SRGAP2C: variants seen among roughly 807,000 people sequenced by gnomAD.
SRGAP2C encodes the protein SLIT-ROBO Rho GTPase activating protein 2C.
Under a neutral mutation model 25.1 loss-of-function variants are expected in SRGAP2C, and 15 were observed. The ratio of observed to expected loss-of-function variants is 0.60; its 90% CI spans 0.40 to 0.92. SRGAP2C has a LOEUF of 0.92. Ranked by LOEUF, SRGAP2C falls within the 40% of genes least tolerant of loss-of-function variation. SRGAP2C has a pLI of 0.00. For synonymous variants in SRGAP2C, 44 were observed against 96.6 expected (o/e 0.46, Z 3.19); for missense variants, 144 against 264.4 (o/e 0.54, Z 3.16).
intron 2 of SRGAP2C, among the ~76,000 whole-genome samples, chr1:121,235,013 CTTTTCTTTCTTTCTT>C (rs1655914039): frequency 6.7e-6 from 1 of 149,482 alleles, no homozygotes; most frequent in African/African-American, 2.5e-5. Flanking sequence ...CTTTCTTTCT[CTTTTCTTTCTTTCTT>C]TTTTTTTTTT....
At chr1:121,220,925 CAG>C (rs1237467718) in intron 2 of SRGAP2C, among the ~76,000 whole-genome samples, 2 of 77,406 alleles carry the variant, frequency 2.6e-5, no homozygotes, top group Admixed American at 1.6e-4. Flanking sequence ...TTTTTTGAGA[CAG>C]AGTCTTCCTC....
chr1:121,192,328 A>G lies in SRGAP2C; in HGVS notation c.67+4815A>G, dbSNP rs587753768. ...TAGTTGGAATCCTCAAGCAGATGCT[A>G]TCATTTTCCCACAAGATGATTGAGG... On this transcript the variant is annotated intron_variant, in intron 2 of 9. Transcript: ENST00000367123. 2.6e-5 allele frequency among the ~76,000 whole-genome samples: 4 copies of G among 152,304 alleles called. No homozygotes were observed. The South Asian group carries it at 6.2e-4, about 24-fold the overall frequency.
chr1:121,234,843 C>T (rs1478779125), intron 2 of SRGAP2C, among the ~76,000 whole-genome samples: 1 of 149,864 alleles, frequency 6.7e-6, no homozygotes, highest in Non-Finnish European at 1.5e-5. Context: ...TCTCTCTTGC[C>T]CTTCTGCCTT....
intron 2 of SRGAP2C, among the ~76,000 whole-genome samples, chr1:121,202,310 C>A (rs1373481522): frequency 5.9e-5 from 9 of 152,042 alleles, no homozygotes; most frequent in Non-Finnish European, 1.2e-4. Flanking sequence ...CTGGAGTCTT[C>A]TTCTTTCCTG....
intron 2 of SRGAP2C, among the ~76,000 whole-genome samples, chr1:121,238,800 A>G (rs1656021744): frequency 8.1e-6 from 1 of 124,084 alleles, no homozygotes. Flanking sequence ...TTTTTTTTTG[A>G]GATGGGGTCT....
intron 2 of SRGAP2C, among the ~76,000 whole-genome samples, chr1:121,266,515 A>G (rs1306025927): frequency 1.3e-5 from 2 of 151,378 alleles, no homozygotes; most frequent in Non-Finnish European, 3.0e-5. Flanking sequence ...TGGGAAAACA[A>G]TAAGGTTGTT....
intron 3 of SRGAP2C, among the ~76,000 whole-genome samples, chr1:121,314,706 C>G (rs1486088896): frequency 4.0e-5 from 6 of 150,960 alleles, no homozygotes; most frequent in Admixed American, 4.0e-4. Flanking sequence ...CAGTGTGCCC[C>G]TGCTGGGGGG....
chr1:121,315,590 G>T (rs1192814644), intron 3 of SRGAP2C, among the ~76,000 whole-genome samples: 2 of 151,358 alleles, frequency 1.3e-5, no homozygotes, highest in African/African-American at 2.4e-5. Context: ...ATATCAACAT[G>T]GTTAATAATA....
chr1:121,372,217 C>G (rs1659511417), intron 5 of SRGAP2C, among the ~76,000 whole-genome samples: 1 of 152,118 alleles, frequency 6.6e-6, no homozygotes, highest in African/African-American at 2.4e-5. Context: ...ATTCTTTATT[C>G]TTTCGTCTGC....
chr1:121,289,332 GCA>G (rs1657444623), intron 3 of SRGAP2C, among the ~76,000 whole-genome samples: 1 of 150,428 alleles, frequency 6.6e-6, no homozygotes, highest in African/African-American at 2.4e-5. Flanking sequence ...TACACCCTCC[GCA>G]GCCACTGGCC....
chr1:121,365,961 T>C (rs1659307885), intron 5 of SRGAP2C, among the ~76,000 whole-genome samples: 1 of 145,908 alleles, frequency 6.9e-6, no homozygotes, highest in African/African-American at 2.6e-5. Flanking sequence ...CTGAGATGAC[T>C]GGCGCTTCAG....
chr1:121,369,488 C>T (rs1470250954), intron 5 of SRGAP2C, among the ~76,000 whole-genome samples: 1 of 151,858 alleles, frequency 6.6e-6, no homozygotes, highest in Non-Finnish European at 1.5e-5. Flanking sequence ...AGGCCTTATG[C>T]TTCTGTACTC....
intron 8 of SRGAP2C, among the ~76,000 whole-genome samples, chr1:121,383,426 G>A (rs1297942550): frequency 6.6e-6 from 1 of 151,946 alleles, no homozygotes; most frequent in Non-Finnish European, 1.5e-5. Flanking sequence ...TTGGCGTTTG[G>A]CAGAGTTCTG....
chr1:121,314,467 G>A (rs1357578544), intron 3 of SRGAP2C, among the ~76,000 whole-genome samples: 1 of 152,204 alleles, frequency 6.6e-6, no homozygotes, highest in African/African-American at 2.4e-5. Flanking sequence ...CGTTACTGGT[G>A]AGAAACTGCG....
At position 121,254,397 on chromosome 1, in the gene SRGAP2C, G is replaced by A. The variant is rs587750461; in HGVS notation, c.68-30406G>A. On this transcript the variant is annotated intron_variant, in intron 2 of 9. Coordinates refer to ENST00000367123, the MANE Select transcript of SRGAP2C (RefSeq NM_001329984.2). ...TACCCCCAGACCATTGCGTTAAAGC[G>A]TTCAGGATAGTGCTCTGCTGATTTT... Among the ~76,000 whole-genome samples the A allele has an allele frequency of 3.1e-5, 2 of 64,386 alleles. 1 individual carries two copies. The highest frequency in any genetic ancestry group is 1.2e-4 in the African/African-American group (2 of 16,908). 42.2% of individuals were successfully genotyped at this position (64,386 alleles called of 152,430 possible). A position where few individuals can be genotyped will look rare whatever the true frequency, so the allele number is the denominator to read the frequency against.
At position 121,372,982 on chromosome 1, in the gene SRGAP2C, G is replaced by A. The variant is rs587766159; in HGVS notation, c.487-989G>A. Reference sequence around the variant, plus strand: ...TTATGGCATCACACTTTCAGCACTCGTGAACTCCCTGTGTGGAAACAGAAA... The same window carrying A: ...TTATGGCATCACACTTTCAGCACTCATGAACTCCCTGTGTGGAAACAGAAA... On this transcript the variant is annotated intron_variant, in intron 5 of 9. Coordinates refer to ENST00000367123, the MANE Select transcript of SRGAP2C (RefSeq NM_001329984.2). Among the ~76,000 whole-genome samples, 11 of 94,098 alleles carry A rather than the reference G, an allele frequency of 1.2e-4. 1 individual carries two copies. Among genetic ancestry groups the A allele is most frequent in the Admixed American group, 2.3e-4 (2 of 8,804 alleles). The allele number at this position is 94,098 out of a possible 152,430, so 61.7% of individuals were successfully genotyped here. A position where few individuals can be genotyped will look rare whatever the true frequency, so the allele number is the denominator to read the frequency against.
At chr1:121,259,803 G>A (rs1415940905) in intron 2 of SRGAP2C, among the ~76,000 whole-genome samples, 13 of 149,588 alleles carry the variant, frequency 8.7e-5, no homozygotes, top group African/African-American at 2.9e-4. Flanking sequence ...TAGTTGTGAG[G>A]GGAGTTGCTT....
At chr1:121,278,125 T>A (rs1344048647) in intron 2 of SRGAP2C, among the ~76,000 whole-genome samples, 1 of 151,446 alleles carries the variant, frequency 6.6e-6, no homozygotes, top group Admixed American at 6.6e-5. Context: ...AAAAAAAAAA[T>A]TTGTAGAGCT....
At position 121,244,347 on chromosome 1, in the gene SRGAP2C, T is replaced by A. The variant is rs1417834866; in HGVS notation, c.68-40456T>A. On this transcript the variant is annotated intron_variant, in intron 2 of 9. Transcript: ENST00000367123. ...ATGAATGGGATTTCAGTGAACAGGGTTTTATCGTGGGTTTTTTTTTTTTTT... is the reference window on the plus strand; with the variant it reads ...ATGAATGGGATTTCAGTGAACAGGGATTTATCGTGGGTTTTTTTTTTTTTT... 3.4e-3 allele frequency among the ~76,000 whole-genome samples: 383 copies of A among 112,708 alleles called. 17 individuals carry two copies. Among genetic ancestry groups the A allele is most frequent in the African/African-American group, 0.014 (356 of 26,064 alleles). The allele number at this position is 112,708 out of a possible 152,430, so 73.9% of individuals were successfully genotyped here.
Sources: allele counts gnomAD v4.1 joint callset (sites outside exome capture counted in the v4.1 genomes callset), GRCh38; gene constraint gnomAD v4.1.1; transcripts MANE v1.5; gene names NCBI Gene and HGNC (gene_info 2026-07-23, HGNC 2026-07-21).